DYTN: variants seen among roughly 807,000 people sequenced by gnomAD.
DYTN encodes dystrotelin.
DYTN carries 75 observed loss-of-function variants against 69.6 expected under a neutral mutation model. The observed-to-expected ratio is 1.08, with a 90% confidence interval of 0.89 to 1.31. The LOEUF is 1.31. DYTN is among the 50% of genes most tolerant of loss of function. The pLI, the probability that DYTN is intolerant of heterozygous loss-of-function variation, is 0.00. For missense variants in DYTN, 726 were observed against 688.4 expected, an observed-to-expected ratio of 1.05 and a Z score of -0.61; for synonymous variants, 252 against 249.1, an observed-to-expected ratio of 1.01 and a Z score of -0.11.
At chr2:206,710,426 A>T in intron 2 of DYTN, 98 bp downstream of exon 2, 1 of 1,072,230 alleles carries the variant, frequency 9.3e-7, no homozygotes, top group Non-Finnish European at 1.4e-6. Context: ...AGAATCCAGT[A>T]GTCAGCTGCA....
chr2:206,660,396 A>G (rs1233239996), intron 11 of DYTN, among the ~76,000 whole-genome samples: 1 of 152,222 alleles, frequency 6.6e-6, no homozygotes, highest in Non-Finnish European at 1.5e-5. Flanking sequence ...TAGCCTACAA[A>G]CAATCTAAAA....
At chr2:206,684,578 C>A (rs775307310) in intron 9 of DYTN, among the ~76,000 whole-genome samples, 1 of 152,216 alleles carries the variant, frequency 6.6e-6, no homozygotes, top group Non-Finnish European at 1.5e-5. Context: ...AACCTTCAGC[C>A]TCCCAAAGTT....
chr2:206,692,549 C>T (rs552227708), intron 9 of DYTN, among the ~76,000 whole-genome samples: 10 of 152,208 alleles, frequency 6.6e-5, no homozygotes, highest in Admixed American at 5.2e-4. Flanking sequence ...TAGATAAATG[C>T]ATGCATAGAG....
intron 9 of DYTN, among the ~76,000 whole-genome samples, chr2:206,682,692 G>A (rs1699763379): frequency 6.6e-6 from 1 of 151,864 alleles, no homozygotes; most frequent in South Asian, 2.1e-4. Flanking sequence ...TTTTTTCCAA[G>A]TTCCAGCTAT....
chr2:206,716,216 G>A (rs913988423), intron 1 of DYTN, among the ~76,000 whole-genome samples: 1 of 152,178 alleles, frequency 6.6e-6, no homozygotes, highest in African/African-American at 2.4e-5. Flanking sequence ...CTTGAGTGTT[G>A]TGGGGTAAAG....
chr2:206,693,368 C>A, intron 8 of DYTN, 45 bp from the exon 9 acceptor site: 1 of 1,577,354 alleles, frequency 6.3e-7, no homozygotes, highest in Non-Finnish European at 8.6e-7. Context: ...GATCAGTCTA[C>A]GTGTGGTCTT....
At position 206,699,710 on chromosome 2, in the gene DYTN, G is replaced by T; in HGVS notation, c.719+17C>A. ...TATGGAGAATGATAATCCAAGAAAT[G>T]CTGCTGATGACTGTACCTGAGTCCC... On this transcript the variant is annotated intron_variant, in intron 7 of 11. Transcript: ENST00000452335. The T allele has an allele frequency of 6.2e-7, 1 of 1,603,446 alleles. No homozygotes were observed. Among genetic ancestry groups the T allele is most frequent in the Non-Finnish European group, 8.5e-7 (1 of 1,175,702 alleles).
chr2:206,701,721 A>G (rs543137309), intron 5 of DYTN, among the ~76,000 whole-genome samples: 1 of 152,310 alleles, frequency 6.6e-6, no homozygotes, highest in South Asian at 2.1e-4. Context: ...CAGCATGGCT[A>G]CTAGTAATAC....
intron 6 of DYTN, 67 bp downstream of exon 6, chr2:206,700,078 C>T (rs1377493274): frequency 1.3e-6 from 2 of 1,595,648 alleles, no homozygotes; most frequent in African/African-American, 2.7e-5. Context: ...TAATGTAAAT[C>T]AGTCAGCAAA....
At chr2:206,714,104 T>C (rs922012653) in intron 1 of DYTN, among the ~76,000 whole-genome samples, 4 of 152,238 alleles carry the variant, frequency 2.6e-5, no homozygotes, top group Admixed American at 6.5e-5. Context: ...ATTTAAAGAA[T>C]GGAAAGGCAA....
intron 9 of DYTN, chr2:206,670,413 A>T (rs1699617845): frequency 1.3e-5 from 2 of 151,400 alleles, no homozygotes; most frequent in Non-Finnish European, 2.9e-5. Context: ...TTTGTAGAAA[A>T]TTTTTCTCTA....
chr2:206,709,959 A>G (rs764677162), intron 2 of DYTN, among the ~76,000 whole-genome samples: 1 of 152,220 alleles, frequency 6.6e-6, no homozygotes, highest in Non-Finnish European at 1.5e-5. Context: ...AAAAGAAAAG[A>G]AAACCATACA....
At position 206,663,405 on chromosome 2, in the gene DYTN, C is replaced by A; in HGVS notation, c.1141-10G>T. On this transcript the variant is annotated splice_polypyrimidine_tract_variant and intron_variant, in intron 10 of 11. Transcript: ENST00000452335. ...GTGGCTGCAACCTTGCCTGGGGAAA[C>A]AAAACTTTATTTATGAAGAAATTAA... The A allele has an allele frequency of 6.4e-7, 1 of 1,557,542 alleles. No homozygotes were observed. The highest frequency in any genetic ancestry group is 8.7e-7 in the Non-Finnish European group (1 of 1,156,054).
At chr2:206,694,913 A>T in intron 7 of DYTN, 36 bp from the exon 8 acceptor site, 17 of 1,066,246 alleles carry the variant, frequency 1.6e-5, no homozygotes, top group Non-Finnish European at 2.2e-5. Context: ...TTACGTCACT[A>T]GTAGATGAGA....
At chr2:206,697,269 T>C (rs34894023) in intron 7 of DYTN, among the ~76,000 whole-genome samples, 10,057 of 152,288 alleles carry the variant, frequency 0.066, 448 homozygotes, top group Non-Finnish European at 0.089. Context: ...TGATGTTTTT[T>C]ACCAGTATAG....
intron 11 of DYTN, among the ~76,000 whole-genome samples, chr2:206,656,874 T>C (rs1699456385): frequency 6.6e-6 from 1 of 151,910 alleles, no homozygotes. Flanking sequence ...GTGATTCTCC[T>C]GCCTCAGCCT....
chr2:206,690,419 A>G (rs1699852344), intron 9 of DYTN, among the ~76,000 whole-genome samples: 1 of 152,200 alleles, frequency 6.6e-6, no homozygotes, highest in Non-Finnish European at 1.5e-5. Flanking sequence ...TGGAAGAGGG[A>G]AGGCCACAAA....
intron 9 of DYTN, among the ~76,000 whole-genome samples, chr2:206,674,989 A>T (rs761098616): frequency 1.3e-5 from 2 of 151,706 alleles, no homozygotes; most frequent in African/African-American, 2.4e-5. Flanking sequence ...TCTCATTAAA[A>T]ATAGTTGCCC....
chr2:206,654,897 T>A (rs1699430755), intron 11 of DYTN, among the ~76,000 whole-genome samples: 1 of 152,218 alleles, frequency 6.6e-6, no homozygotes, highest in Admixed American at 6.5e-5. Flanking sequence ...CTCTCGTACA[T>A]ATAAGATCAT....
Sources: gnomAD v4.1 joint callset for allele counts (sites outside exome capture counted in the v4.1 genomes callset) on GRCh38, gnomAD v4.1.1 for gene constraint, MANE v1.5 for transcripts, NCBI Gene and HGNC (gene_info 2026-07-23, HGNC 2026-07-21) for gene names.